The following DOCK1 variants were observed in gnomAD, a reference collection of about 807,000 sequenced individuals.
DOCK1 encodes the protein dedicator of cytokinesis 1.
A neutral mutation model predicts 262.7 loss-of-function variants in DOCK1; 138 were observed. The observed-to-expected ratio is 0.53, with a 90% CI of 0.46 to 0.61. The LOEUF is 0.61. Ranked by LOEUF, DOCK1 falls within the 20% of genes least tolerant of loss-of-function variation. The pLI is 0.00. For synonymous variants in DOCK1, 866 were observed against 867.4 expected (o/e 1.00, Z 0.03); for missense variants, 1,908 against 2,370.7 (o/e 0.80, Z 4.05).
At chr10:127,281,565 C>T (rs2060964055) in intron 29 of DOCK1, among the ~76,000 whole-genome samples, 2 of 152,178 alleles carry the variant, frequency 1.3e-5, no homozygotes, top group Admixed American at 1.3e-4. Flanking sequence ...TGCACACACA[C>T]TTGGTGTCTC....
At position 127,144,305 on chromosome 10, in the gene DOCK1, C is replaced by G. The variant is rs554326586; in HGVS notation, c.2847+16541C>G. Among the ~76,000 whole-genome samples, 189 of 152,278 alleles carry G rather than the reference C, an allele frequency of 1.2e-3. 1 individual carries two copies. Among genetic ancestry groups the G allele is most frequent in the African/African-American group, 4.3e-3 (180 of 41,552 alleles). ...CTAGAATAACAAAGTCCACCCTCCC[C>G]CCTGCCTCATCCACACACCTCTGGG... On this transcript the variant is annotated intron_variant, in intron 27 of 51. Coordinates refer to ENST00000623213, the MANE Select transcript of DOCK1 (RefSeq NM_001290223.2).
intron 18 of DOCK1, among the ~76,000 whole-genome samples, chr10:127,032,652 C>T (rs1018703928): frequency 6.6e-6 from 1 of 152,192 alleles, no homozygotes; most frequent in Admixed American, 6.5e-5. Flanking sequence ...CTCCTAGGCT[C>T]AGGCGATCCT....
At chr10:127,403,247 C>A in intron 39 of DOCK1, 103 bp downstream of exon 39, 1 of 1,203,396 alleles carries the variant, frequency 8.3e-7, no homozygotes, top group South Asian at 1.5e-5. Context: ...CCCAGGCACT[C>A]TGGGACCTTG....
chr10:127,058,656 A>T (rs1410935473), intron 22 of DOCK1, among the ~76,000 whole-genome samples: 10 of 150,832 alleles, frequency 6.6e-5, no homozygotes, highest in Admixed American at 6.6e-5. Context: ...TAAACATATT[A>T]TTTGAATATT....
At chr10:127,428,992 T>TGTGGATTGGGGTGCCGC (rs1480416364) in intron 47 of DOCK1, among the ~76,000 whole-genome samples, 6 of 140,454 alleles carry the variant, frequency 4.3e-5, no homozygotes, top group African/African-American at 1.6e-4. Context: ...TGGGGTGCCG[T>TGTGGATTGGGGTGCCGC]GTGGATTGGG....
chr10:127,360,408 G>T (rs1469755352), intron 32 of DOCK1, among the ~76,000 whole-genome samples: 1 of 152,204 alleles, frequency 6.6e-6, no homozygotes, highest in Non-Finnish European at 1.5e-5. Flanking sequence ...GCTGCCAGCT[G>T]CTCTGCCCAG....
At chr10:127,419,117 G>C (rs2068341130) in intron 45 of DOCK1, among the ~76,000 whole-genome samples, 1 of 152,218 alleles carries the variant, frequency 6.6e-6, no homozygotes, top group Non-Finnish European at 1.5e-5. Flanking sequence ...TGGCAGCATT[G>C]AGTAGTTGTG....
rs2069761462 is a variant in DOCK1 at position 127,437,391 on chromosome 10, C to T, written c.5061-1636C>T. Among the ~76,000 whole-genome samples, 2 of 152,106 alleles carry T rather than the reference C, an allele frequency of 1.3e-5. No individual in the cohort carries two copies. Among genetic ancestry groups the T allele is most frequent in the South Asian group, 4.1e-4 (2 of 4,824 alleles). ...GCAAATGATCCTTCCCTTCCTGGTTCATCTTACTCCCCATTATGGGACACA... is the reference window on the plus strand; with the variant it reads ...GCAAATGATCCTTCCCTTCCTGGTTTATCTTACTCCCCATTATGGGACACA... On this transcript the variant is annotated intron_variant, in intron 48 of 51. Transcript: ENST00000623213. The surrounding 1 kb of genome is among the most constrained non-coding windows in gnomAD (Gnocchi z 4.4).
intron 38 of DOCK1, among the ~76,000 whole-genome samples, chr10:127,396,606 G>A (rs748802631): frequency 1.3e-5 from 2 of 152,182 alleles, no homozygotes; most frequent in Non-Finnish European, 2.9e-5. Flanking sequence ...GAAGGCAGGA[G>A]TGAGCAGCAC....
chr10:127,005,008 T>G (rs2040906887), intron 10 of DOCK1, among the ~76,000 whole-genome samples: 1 of 151,860 alleles, frequency 6.6e-6, no homozygotes, highest in Non-Finnish European at 1.5e-5. Flanking sequence ...ACTTATTCAG[T>G]GTGTTGTCCA....
At chr10:127,280,537 G>C (rs1017355141) in intron 29 of DOCK1, among the ~76,000 whole-genome samples, 3 of 152,188 alleles carry the variant, frequency 2.0e-5, no homozygotes, top group Non-Finnish European at 4.4e-5. Context: ...AGGGAGCTCA[G>C]TCATCCTTGA....
At chr10:126,968,443 C>T (rs1400941566) in intron 1 of DOCK1, among the ~76,000 whole-genome samples, 1 of 152,090 alleles carries the variant, frequency 6.6e-6, no homozygotes, top group Admixed American at 6.6e-5. Flanking sequence ...GGTTGTCTGG[C>T]TCATTTCACA....
At chr10:127,352,313 G>A (rs2063923280) in intron 31 of DOCK1, among the ~76,000 whole-genome samples, 1 of 143,480 alleles carries the variant, frequency 7.0e-6, no homozygotes, top group African/African-American at 2.6e-5. Context: ...AAGAGGAGCG[G>A]GGAGGGGTGG....
At chr10:127,203,484 G>A (rs529339150) in intron 27 of DOCK1, among the ~76,000 whole-genome samples, 62 of 152,258 alleles carry the variant, frequency 4.1e-4, no homozygotes, top group African/African-American at 1.5e-3. Flanking sequence ...TGGCTCATGG[G>A]TGATGTGATA....
chr10:127,177,500 C>T (rs2055276132), intron 27 of DOCK1, among the ~76,000 whole-genome samples: 1 of 152,188 alleles, frequency 6.6e-6, no homozygotes, highest in Non-Finnish European at 1.5e-5. Context: ...CGCCTTTTCC[C>T]CCCTTGTGTT....
chr10:126,987,911 C>A (rs1407963371), intron 5 of DOCK1, among the ~76,000 whole-genome samples: 2 of 151,962 alleles, frequency 1.3e-5, no homozygotes, highest in African/African-American at 2.4e-5. Context: ...TTGTTTCAGG[C>A]CCCTGGAATG....
intron 49 of DOCK1, 145 bp from the exon 50 acceptor site, chr10:127,443,981 C>A: frequency 1.8e-6 from 2 of 1,118,104 alleles, no homozygotes; most frequent in Non-Finnish European, 2.5e-6. Context: ...CACACCTTAG[C>A]TTGATCATTT....
At chr10:127,442,559 G>A (rs1480999974) in intron 49 of DOCK1, among the ~76,000 whole-genome samples, 1 of 152,184 alleles carries the variant, frequency 6.6e-6, no homozygotes, top group African/African-American at 2.4e-5. Flanking sequence ...AACAGGGAAA[G>A]GGCTTAGGTG....
At chr10:127,451,221 G>A in intron 51 of DOCK1, 111 bp from the exon 52 acceptor site, 1 of 1,214,726 alleles carries the variant, frequency 8.2e-7, no homozygotes, top group Non-Finnish European at 1.2e-6. Context: ...CTCATGTGGG[G>A]AGGATGGTTC....
Sources: allele counts gnomAD v4.1 joint callset (sites outside exome capture counted in the v4.1 genomes callset), GRCh38; gene constraint gnomAD v4.1.1; non-coding constraint Gnocchi (gnomAD v3.1); transcripts MANE v1.5; gene names NCBI Gene and HGNC (gene_info 2026-07-23, HGNC 2026-07-21).